The following SIAH3 variants were observed in gnomAD, a reference collection of about 807,000 sequenced individuals.
SIAH3 encodes the protein seven in absentia homolog 3.
A neutral mutation model predicts 12.6 loss-of-function variants in SIAH3; 9 were observed. The observed-to-expected ratio is 0.72, with a 90% CI of 0.43 to 1.25. The LOEUF (loss-of-function observed/expected upper bound fraction) is 1.25, where lower values mean the gene tolerates loss of function less well. Ranked by LOEUF, SIAH3 falls within the 50% of genes most tolerant of loss-of-function variation. The pLI is 0.00. For synonymous variants in SIAH3, 154 were observed against 151.1 expected (o/e 1.02, Z -0.14); for missense variants, 390 against 365.4 (o/e 1.07, Z -0.55).
intron 1 of SIAH3, among the ~76,000 whole-genome samples, chr13:45,808,665 A>G (rs1264553434): frequency 6.6e-6 from 1 of 152,092 alleles, no homozygotes; most frequent in African/African-American, 2.4e-5. Flanking sequence ...CACATACTTT[A>G]TATCAGTAAA....
At chr13:45,824,280 G>A (rs750633304) in intron 1 of SIAH3, among the ~76,000 whole-genome samples, 5 of 152,144 alleles carry the variant, frequency 3.3e-5, no homozygotes, top group Non-Finnish European at 7.4e-5. Context: ...ACGCCACATC[G>A]AATTCTCTAA....
At chr13:45,790,054 A>G (rs1950541089) in intron 1 of SIAH3, among the ~76,000 whole-genome samples, 1 of 152,162 alleles carries the variant, frequency 6.6e-6, no homozygotes, top group African/African-American at 2.4e-5. Context: ...GGTTCCCTAA[A>G]TATCCTTGTG....
intron 1 of SIAH3, among the ~76,000 whole-genome samples, chr13:45,829,011 G>A (rs545718279): frequency 2.6e-4 from 40 of 151,996 alleles, no homozygotes; most frequent in Admixed American, 8.5e-4. Flanking sequence ...ATTTTAATAA[G>A]CAATAGCTTA....
At chr13:45,799,270 A>G (rs1312218684) in intron 1 of SIAH3, among the ~76,000 whole-genome samples, 3 of 152,214 alleles carry the variant, frequency 2.0e-5, no homozygotes, top group East Asian at 1.9e-4. Flanking sequence ...CACTCCTTAT[A>G]TGACCAAGGA....
rs147185215 is a variant in SIAH3 at position 45,833,678 on chromosome 13, G to A, written c.135+17817C>T. On this transcript the variant is annotated intron_variant, in intron 1 of 1. Coordinates refer to ENST00000400405, the MANE Select transcript of SIAH3 (RefSeq NM_198849.3). The stretch of plus-strand genomic sequence containing the variant: ...CACGATAAACCATTGTGGTTGGCAG[G>A]GTAAGTGCTGCTATCCATTCTGGTT... 5.5e-3 allele frequency among the ~76,000 whole-genome samples: 840 copies of A among 152,242 alleles called. 10 individuals are homozygous for A. The highest frequency in any genetic ancestry group is 0.019 in the African/African-American group (794 of 41,528).
At chr13:45,788,792 T>C (rs187561536) in intron 1 of SIAH3, among the ~76,000 whole-genome samples, 9 of 152,338 alleles carry the variant, frequency 5.9e-5, no homozygotes, top group Non-Finnish European at 1.2e-4. Flanking sequence ...CCATGCATTT[T>C]AGCTGAAAGA....
chr13:45,802,514 T>A (rs909969802), intron 1 of SIAH3, among the ~76,000 whole-genome samples: 1 of 152,108 alleles, frequency 6.6e-6, no homozygotes, highest in African/African-American at 2.4e-5. Context: ...GAAAAGCTTC[T>A]GGATATTTAC....
intron 1 of SIAH3, among the ~76,000 whole-genome samples, chr13:45,816,973 A>T (rs1950636920): frequency 6.6e-6 from 1 of 152,248 alleles, no homozygotes; most frequent in African/African-American, 2.4e-5. Flanking sequence ...TGCATCCTGC[A>T]TCCTGTTTAC....
intron 1 of SIAH3, among the ~76,000 whole-genome samples, chr13:45,808,835 T>C (rs1046890717): frequency 6.6e-6 from 1 of 152,242 alleles, no homozygotes; most frequent in Non-Finnish European, 1.5e-5. Flanking sequence ...GGAACCAGAA[T>C]ATATATTAAA....
intron 1 of SIAH3, among the ~76,000 whole-genome samples, chr13:45,793,209 T>C (rs1243479017): frequency 6.6e-6 from 1 of 152,176 alleles, no homozygotes; most frequent in African/African-American, 2.4e-5. Flanking sequence ...TTGCTGGAAC[T>C]GGTTACACAT....
chr13:45,851,641 G>T lies in SIAH3; in HGVS notation c.-12C>A, dbSNP rs756957502. Reference sequence around the variant, plus strand: ...GTAAAGAAAAGCATCACAACTTTTGGGGGGTTGTTGGTCCGGGAAGGCAGC... The same window carrying T: ...GTAAAGAAAAGCATCACAACTTTTGTGGGGTTGTTGGTCCGGGAAGGCAGC... On this transcript the variant is annotated 5_prime_UTR_variant, in exon 1 of 2. Transcript: ENST00000400405. 2 of 1,614,130 alleles carry T rather than the reference G, an allele frequency of 1.2e-6. No individual in the cohort carries two copies. The highest frequency in any genetic ancestry group is 2.2e-5 in the South Asian group (2 of 91,068).
chr13:45,812,602 G>A (rs113815511), intron 1 of SIAH3, among the ~76,000 whole-genome samples: 293 of 152,234 alleles, frequency 1.9e-3, no homozygotes, highest in African/African-American at 6.5e-3. Flanking sequence ...CTAGGACCCC[G>A]GGGTACAGCT....
At chr13:45,804,127 T>G (rs546556631) in intron 1 of SIAH3, among the ~76,000 whole-genome samples, 2 of 152,234 alleles carry the variant, frequency 1.3e-5, no homozygotes, top group South Asian at 4.1e-4. Flanking sequence ...AAAAGTTAAC[T>G]TTAATGTCAA....
Position 45,851,640 on chromosome 13 carries a change from G to A in SIAH3, c.-11C>T. ...GGTAAAGAAAAGCATCACAACTTTT[G>A]GGGGGTTGTTGGTCCGGGAAGGCAG... On this transcript the variant is annotated 5_prime_UTR_variant, in exon 1 of 2. Coordinates refer to ENST00000400405, the MANE Select transcript of SIAH3 (RefSeq NM_198849.3). The A allele has an allele frequency of 6.2e-7, 1 of 1,614,104 alleles. No homozygotes were observed. The highest frequency in any genetic ancestry group is 8.5e-7 in the Non-Finnish European group (1 of 1,179,970).
intron 1 of SIAH3, among the ~76,000 whole-genome samples, chr13:45,823,469 T>C (rs533822321): frequency 6.6e-6 from 1 of 152,378 alleles, no homozygotes; most frequent in East Asian, 1.9e-4. Context: ...TTTAAAAACC[T>C]TAAATCTCAG....
chr13:45,823,030 C>T (rs1352256040), intron 1 of SIAH3, among the ~76,000 whole-genome samples: 1 of 152,200 alleles, frequency 6.6e-6, no homozygotes, highest in Non-Finnish European at 1.5e-5. Flanking sequence ...CTCCTTAGAT[C>T]TAACCCGTCC....
intron 1 of SIAH3, among the ~76,000 whole-genome samples, chr13:45,838,044 T>A (rs1268567657): frequency 6.6e-6 from 1 of 152,196 alleles, no homozygotes; most frequent in South Asian, 2.1e-4. Context: ...GCCTCAAACT[T>A]TTTTGAAAAG....
In SIAH3 at chr13:45,778,031, T is replaced by C. The variant is rs1950490435; in HGVS notation, c.*5352A>G. On this transcript the variant is annotated 3_prime_UTR_variant, in exon 2 of 2. Transcript: ENST00000400405. The stretch of plus-strand genomic sequence containing the variant: ...GATTGTGAACAGGGTCCTTACTGGG[T>C]TGCAAAAAAGTGAGGTAGCCAAGTA... The C allele has an allele frequency of 6.6e-6, 1 of 152,150 alleles. No homozygotes were observed. The highest frequency in any genetic ancestry group is 1.5e-5 in the Non-Finnish European group (1 of 68,026). 9.4% of individuals were successfully genotyped at this position (152,150 alleles called of 1,614,324 possible). A position where few individuals can be genotyped will look rare whatever the true frequency, so the allele number is the denominator to read the frequency against.
At chr13:45,787,767 TAGC>T (rs1465123396) in intron 1 of SIAH3, among the ~76,000 whole-genome samples, 1 of 152,126 alleles carries the variant, frequency 6.6e-6, no homozygotes, top group African/African-American at 2.4e-5. Context: ...CGGTGGATAT[TAGC>T]AGGAATATCC....
Sources: allele counts gnomAD v4.1 joint callset (sites outside exome capture counted in the v4.1 genomes callset), GRCh38; gene constraint gnomAD v4.1.1; transcripts MANE v1.5; gene names NCBI Gene and HGNC (gene_info 2026-07-23, HGNC 2026-07-21).